The following ZFP64 variants were observed in gnomAD, a reference collection of about 807,000 sequenced individuals.
ZFP64 encodes the protein zinc finger protein 64.
In ZFP64, 14 loss-of-function variants were observed where a neutral mutation model predicts 51.6. The ratio of observed to expected loss-of-function variants is 0.27; its 90% CI spans 0.18 to 0.42. ZFP64 has a LOEUF of 0.42. Ranked by LOEUF, ZFP64 falls within the 10% of genes least tolerant of loss-of-function variation. ZFP64 has a pLI of 1.00. For missense variants in ZFP64, 754 were observed against 906.8 expected (o/e 0.83, Z 2.16); for synonymous variants, 375 against 361.4 (o/e 1.04, Z -0.43).
At chr20:52,096,475 C>T (rs568870523) in intron 7 of ZFP64, among the ~76,000 whole-genome samples, 1 of 152,372 alleles carries the variant, frequency 6.6e-6, no homozygotes, top group Non-Finnish European at 1.5e-5. Flanking sequence ...AACTGGATTA[C>T]GTTTAAGCCA....
At chr20:52,125,179 A>C (rs908037642) in intron 5 of ZFP64, among the ~76,000 whole-genome samples, 2 of 152,230 alleles carry the variant, frequency 1.3e-5, no homozygotes, top group African/African-American at 4.8e-5. Flanking sequence ...CAACAGATGC[A>C]ACCAGAGCTT....
In ZFP64 at chr20:52,152,451, T is replaced by C. The variant is rs140355555; in HGVS notation, c.1741A>G (p.Thr581Ala). The change falls in exon 6 of 6, where the codon ACT becomes GCT. Residue 581 changes from threonine to alanine, a missense_variant. This residue lies in a region of ZFP64 where 428 missense variants were observed against 472.4 expected (regional missense o/e 0.91). Transcript: ENST00000216923. ...LTTHEQTDGA[T>A]LHQTLIPTAS... ...GTGGGGATGAGAGTCTGGTGCAGAG[T>C]GGCTCCGTCCGTCTGCTCGTGGGTG... 1 of 1,613,754 alleles carries C rather than the reference T, an allele frequency of 6.2e-7. No homozygotes were observed. The highest frequency in any genetic ancestry group is 8.5e-7 in the Non-Finnish European group (1 of 1,179,922).
chr20:52,177,770 C>T (rs977756419), intron 2 of ZFP64, among the ~76,000 whole-genome samples: 1 of 152,166 alleles, frequency 6.6e-6, no homozygotes, highest in African/African-American at 2.4e-5. Flanking sequence ...TGGTTGCTGA[C>T]GCCTGTAATC....
At chr20:52,136,608 T>C (rs1161603137) in intron 5 of ZFP64, among the ~76,000 whole-genome samples, 1 of 152,128 alleles carries the variant, frequency 6.6e-6, no homozygotes, top group Non-Finnish European at 1.5e-5. Flanking sequence ...TGCTGAAAAA[T>C]GGTTTTTTAA....
intron 4 of ZFP64, 100 bp downstream of exon 4, chr20:52,164,595 T>C: frequency 2.0e-6 from 2 of 983,354 alleles, no homozygotes; most frequent in Non-Finnish European, 3.2e-6. Flanking sequence ...TAACAGCCAG[T>C]GACGTTTGGA....
intron 2 of ZFP64, among the ~76,000 whole-genome samples, chr20:52,182,772 C>T (rs551515702): frequency 2.0e-4 from 31 of 152,104 alleles, no homozygotes; most frequent in East Asian, 9.7e-4. Context: ...AAAAGGGAGC[C>T]GCTATTTGGT....
intron 2 of ZFP64, chr20:52,175,861 G>GCGCC: frequency 4.2e-6 from 1 of 238,642 alleles, no homozygotes; most frequent in Non-Finnish European, 6.1e-6. Flanking sequence ...CACCCCCGCT[G>GCGCC]CCGCCCCCGC....
At chr20:52,086,307 G>A (rs1176551758) in intron 8 of ZFP64, among the ~76,000 whole-genome samples, 5 of 152,054 alleles carry the variant, frequency 3.3e-5, no homozygotes, top group African/African-American at 1.2e-4. Flanking sequence ...GTCACACTCA[G>A]GCCAGTGGAT....
intron 5 of ZFP64, among the ~76,000 whole-genome samples, chr20:52,156,977 G>C (rs1193485427): frequency 6.6e-6 from 1 of 152,182 alleles, no homozygotes; most frequent in Admixed American, 6.5e-5. Flanking sequence ...GCAGAATTTA[G>C]AGGGAATATA....
intron 5 of ZFP64, chr20:52,110,705 G>T: frequency 6.4e-7 from 1 of 1,574,634 alleles, no homozygotes; most frequent in South Asian, 1.2e-5. Flanking sequence ...TTCAGCCAGC[G>T]CTGGATGGCT....
chr20:52,145,245 G>A (rs375114280), intron 5 of ZFP64, among the ~76,000 whole-genome samples: 23 of 152,356 alleles, frequency 1.5e-4, no homozygotes, highest in South Asian at 6.2e-4. Context: ...GAAATAGGGC[G>A]TAGCCTATGG....
intron 5 of ZFP64, among the ~76,000 whole-genome samples, chr20:52,114,223 C>T (rs894761955): frequency 3.3e-5 from 5 of 152,098 alleles, no homozygotes; most frequent in African/African-American, 1.2e-4. Context: ...TTCACCTGTC[C>T]CGATAGAAAA....
In ZFP64 at chr20:52,085,057, C is replaced by T. The variant is rs1224189031; in HGVS notation, c.1438G>A (p.Ala480Thr). Residue 480 changes from alanine to threonine, a missense_variant, in exon 9 of 9, where the codon GCT becomes ACT. By Grantham distance (58) the Ala-to-Thr change is moderately conservative (BLOSUM62 0). Transcript: ENST00000361387. The surrounding 1 kb of genome is among the most constrained non-coding windows in gnomAD (Gnocchi z 4.3). Reference sequence around the variant, plus strand: ...AGCCGGCTGTGCTCCAGGAGGTCAGCCCGGTCCCGGCCCTGGAAGGCACAG... The same window carrying T: ...AGCCGGCTGTGCTCCAGGAGGTCAGTCCGGTCCCGGCCCTGGAAGGCACAG... 4.3e-6 allele frequency: 7 copies of T among 1,614,044 alleles called. No homozygotes were observed. In the African/African-American group the frequency reaches 8.0e-5, roughly 18 times the overall value.
At position 52,098,536 on chromosome 20, in the gene ZFP64, C is replaced by G. The variant is rs201948409; in HGVS notation, c.815G>C (p.Ser272Thr). Residue 272 changes from serine to threonine, a missense_variant, in exon 6 of 9, where the codon AGC becomes ACC. By Grantham distance (58) the Ser-to-Thr change is moderately conservative (BLOSUM62 1). Coordinates refer to the ZFP64 transcript ENST00000361387. The stretch of plus-strand genomic sequence containing the variant: ...GACAGGGGCCTTCGGAGTGTCAGTG[C>G]TTTCAGTGGAGAGGCAGTTTGCTTT... 2.4e-5 allele frequency: 39 copies of G among 1,614,114 alleles called. No individual in the cohort carries two copies. The Admixed American group carries it at 6.5e-4, about 27-fold the overall frequency.
chr20:52,160,458 A>T lies in ZFP64; in HGVS notation c.512-84T>A. On this transcript the variant is annotated intron_variant, in intron 4 of 5. Transcript: ENST00000216923. This position sits in a 1 kb window ranked among gnomAD's most constrained non-coding sequence, Gnocchi z 4.2. ...TTATTTCCCACTGCCTTACGAAAAA[A>T]GTCATATACAACCACCGAAGAATAT... 6.7e-7 allele frequency: 1 copy of T among 1,503,518 alleles called. No homozygotes were observed. The highest frequency in any genetic ancestry group is 8.9e-7 in the Non-Finnish European group (1 of 1,129,260). The allele number at this position is 1,503,518 out of a possible 1,614,324, so 93.1% of individuals were successfully genotyped here. A position where few individuals can be genotyped will look rare whatever the true frequency, so the allele number is the denominator to read the frequency against.
Position 52,151,501 on chromosome 20 carries a change from A to G in ZFP64, c.*645T>C, listed in dbSNP as rs1282306431. On this transcript the variant is annotated 3_prime_UTR_variant, in exon 6 of 6. Coordinates refer to ENST00000216923, the MANE Select transcript of ZFP64 (RefSeq NM_018197.3). ...AAGTACCATTTACTACACAAATGTA[A>G]TAAGATGGACAGAAACCTTTATTAG... is the stretch of plus-strand genomic sequence containing the variant. 2.0e-6 allele frequency: 2 copies of G among 985,492 alleles called. No individual in the cohort carries two copies. Among genetic ancestry groups the G allele is most frequent in the Admixed American group, 6.1e-5 (1 of 16,270 alleles). 61.0% of individuals were successfully genotyped at this position (985,492 alleles called of 1,614,324 possible). A position where few individuals can be genotyped will look rare whatever the true frequency, so the allele number is the denominator to read the frequency against.
At chr20:52,138,171 C>A (rs11699864) in intron 5 of ZFP64, among the ~76,000 whole-genome samples, 3,714 of 152,018 alleles carry the variant, frequency 0.024, 89 homozygotes, top group Non-Finnish European at 0.028. Context: ...CACTCCACTG[C>A]ACTTTAGCCT....
chr20:52,171,187 G>A (rs2123058491), intron 2 of ZFP64, among the ~76,000 whole-genome samples: 1 of 152,226 alleles, frequency 6.6e-6, no homozygotes, highest in South Asian at 2.1e-4. Flanking sequence ...CCACACACGT[G>A]GCCTTTCTAG....
intron 5 of ZFP64, chr20:52,117,521 A>G (rs1978939487): frequency 1.0e-5 from 4 of 390,440 alleles, no homozygotes; most frequent in Non-Finnish European, 2.0e-5. Context: ...CGGGAGGCTG[A>G]GGCAGGAGAA....
Sources: gnomAD v4.1 joint callset for allele counts (sites outside exome capture counted in the v4.1 genomes callset) on GRCh38, gnomAD v4.1.1 for gene constraint, gnomAD v4.1.1 regional missense constraint, Gnocchi (gnomAD v3.1) non-coding constraint, MANE v1.5 for transcripts, NCBI Gene and HGNC (gene_info 2026-07-23, HGNC 2026-07-21) for gene names.